The following NOC4L variants were observed in gnomAD, a reference collection of about 807,000 sequenced individuals.
NOC4L encodes the protein nucleolar complex protein 4 homolog.
A neutral mutation model predicts 62.8 loss-of-function variants in NOC4L; 40 were observed. The observed-to-expected ratio is 0.64, with a 90% CI of 0.49 to 0.83. The LOEUF (loss-of-function observed/expected upper bound fraction) is 0.83, where lower values mean the gene tolerates loss of function less well. NOC4L is among the 40% of genes least tolerant of loss of function. The probability of loss-of-function intolerance (pLI) is 0.00; values close to 1 mark genes in which losing one functional copy is unlikely to be tolerated. For missense variants in NOC4L, 927 were observed against 701.9 expected (o/e 1.32, Z -3.62); for synonymous variants, 433 against 299.8 (o/e 1.44, Z -4.59).
In NOC4L at chr12:132,151,599, C is replaced by T. The variant is rs531773915; in HGVS notation, c.1189C>T (p.Arg397Trp). Reference sequence around the variant, plus strand: ...GCCTTTCATCTGTAACCTGCTGCGCCGGCACCCTGCCTGCCGGGTCCTCGT... The same window carrying T: ...GCCTTTCATCTGTAACCTGCTGCGCTGGCACCCTGCCTGCCGGGTCCTCGT... ...VLPFICNLLRRHPACRVLVHR... is the reference protein window; with the variant it reads ...VLPFICNLLRWHPACRVLVHR... Residue 397 changes from arginine to tryptophan, a missense_variant, in exon 12 of 15, where the codon CGG becomes TGG. Arg to Trp is a moderately radical substitution (Grantham distance 101, BLOSUM62 -3). Coordinates refer to ENST00000330579, the MANE Select transcript of NOC4L (RefSeq NM_024078.3). 1.9e-5 allele frequency: 31 copies of T among 1,611,470 alleles called. No individual in the cohort carries two copies. The East Asian group carries it at 3.1e-4, about 16-fold the overall frequency.
intron 7 of NOC4L, among the ~76,000 whole-genome samples, chr12:132,148,376 C>A (rs1454746314): frequency 1.3e-5 from 2 of 152,184 alleles, no homozygotes; most frequent in African/African-American, 4.8e-5. Flanking sequence ...TTGGGCGCAG[C>A]CCCCCTCTTG....
At position 132,151,429 on chromosome 12, in the gene NOC4L, A is replaced by T. The variant is rs1414264524; in HGVS notation, c.1074-55A>T. On this transcript the variant is annotated intron_variant, in intron 11 of 14. Coordinates refer to ENST00000330579, the MANE Select transcript of NOC4L (RefSeq NM_024078.3). ...TGCGGCTGCAGCCTGGGGCCAGGGGAGGGTGGTGGGGGCTAGCAGTCCGGG... is the reference window on the plus strand; with the variant it reads ...TGCGGCTGCAGCCTGGGGCCAGGGGTGGGTGGTGGGGGCTAGCAGTCCGGG... 11 of 1,600,752 alleles carry T rather than the reference A, an allele frequency of 6.9e-6. No individual in the cohort carries two copies. The South Asian group carries it at 7.7e-5, about 11-fold the overall frequency.
At chr12:132,145,926 C>T (rs1042312210) in intron 3 of NOC4L, among the ~76,000 whole-genome samples, 3 of 152,200 alleles carry the variant, frequency 2.0e-5, no homozygotes, top group African/African-American at 7.2e-5. Context: ...GCACACCAAG[C>T]CTCGTGCCAG....
At chr12:132,152,259 C>T in intron 14 of NOC4L, 23 bp from the exon 15 acceptor site, 1 of 1,586,494 alleles carries the variant, frequency 6.3e-7, no homozygotes, top group Non-Finnish European at 8.6e-7. Flanking sequence ...AGCCTGAGAG[C>T]CGCCGTGCTT....
chr12:132,146,360 C>T (rs1347079160), intron 3 of NOC4L: 2 of 455,216 alleles, frequency 4.4e-6, no homozygotes, highest in Admixed American at 4.7e-5. Context: ...TATCGTTCAG[C>T]CGCTCGTAGG....
chr12:132,151,352 C>G lies in NOC4L; in HGVS notation c.1057C>G (p.Leu353Val). The G allele has an allele frequency of 1.2e-6, 2 of 1,610,412 alleles. No individual in the cohort carries two copies. The highest frequency in any genetic ancestry group is 1.7e-6 in the Non-Finnish European group (2 of 1,179,924). ...CGCCCGCTTCTTCCACCTGGCTGAC[C>G]TCTTCCTGTCCTCCTCGTGAGTACC... ...YRARFFHLADLFLSSSHLPAY... is the reference protein window; with the variant it reads ...YRARFFHLADVFLSSSHLPAY... Residue 353 changes from leucine (L) to valine (V), a missense_variant, in exon 11 of 15, where the codon CTC (leucine) becomes GTC (valine). Coordinates refer to ENST00000330579, the MANE Select transcript of NOC4L (RefSeq NM_024078.3).
In NOC4L at chr12:132,147,757, C is replaced by G; in HGVS notation, c.578C>G (p.Ala193Gly). The change falls in exon 5 of 15, where the codon GCC becomes GGC. Residue 193 changes from alanine (A) to glycine (G), a missense_variant. By Grantham distance (60) the Ala-to-Gly change is moderately conservative. Transcript: ENST00000330579. Reference sequence around the variant, plus strand: ...ATGCAGGCAGCCGTGGATGCCGTGGCCCGGGTCACTGGCCAGCACCCCGAG... The same window carrying G: ...ATGCAGGCAGCCGTGGATGCCGTGGGCCGGGTCACTGGCCAGCACCCCGAG... ...HTMQAAVDAV[A>G]RVTGQHPEVP... 1 of 1,612,770 alleles carries G rather than the reference C, an allele frequency of 6.2e-7. No homozygotes were observed. Among genetic ancestry groups the G allele is most frequent in the Non-Finnish European group, 8.5e-7 (1 of 1,179,944 alleles).
rs1434809118 is a variant in NOC4L, at chr12:132,147,476, C to G, written c.453+88C>G. On this transcript the variant is annotated intron_variant, in intron 4 of 14. Coordinates refer to ENST00000330579, the MANE Select transcript of NOC4L (RefSeq NM_024078.3). ...CGTAGTGGGGGCGGGGCCTGCTGAG[C>G]TGAGCCTGGCTGTTGGCTGGGACAC... The G allele has an allele frequency of 3.5e-6, 5 of 1,447,792 alleles. No individual in the cohort carries two copies. The East Asian group carries it at 1.2e-4, about 36-fold the overall frequency. The allele number at this position is 1,447,792 out of a possible 1,614,324, so 89.7% of individuals were successfully genotyped here.
rs1040520625 is a variant in NOC4L, at chr12:132,145,613, G to A, written c.293G>A (p.Ser98Asn). ...GTGTGGATGAGACACCGCTATCACAGCTGCTGCAATCGCTTGGGAGAGCTC... is the reference window on the plus strand; with the variant it reads ...GTGTGGATGAGACACCGCTATCACAACTGCTGCAATCGCTTGGGAGAGCTC... ...YKVWMRHRYH[S>N]CCNRLGELLG... The change falls in exon 3 of 15, where the codon AGC becomes AAC. Residue 98 changes from serine (S) to asparagine (N), a missense_variant. Ser to Asn is a conservative substitution (Grantham distance 46, BLOSUM62 1). Transcript: ENST00000330579. 7 of 1,613,514 alleles carry A rather than the reference G, an allele frequency of 4.3e-6. No individual in the cohort carries two copies. The Admixed American group carries it at 8.3e-5, about 19-fold the overall frequency.
Position 132,152,237 on chromosome 12 carries a change from G to A in NOC4L, c.1431+40G>A, listed in dbSNP as rs1436093009. 7 of 1,600,010 alleles carry A rather than the reference G, an allele frequency of 4.4e-6. No homozygotes were observed. In the South Asian group the frequency reaches 6.7e-5, roughly 15 times the overall value. On this transcript the variant is annotated intron_variant, in intron 14 of 14. Coordinates refer to ENST00000330579, the MANE Select transcript of NOC4L (RefSeq NM_024078.3). ...CAGGGTGCGAGGGTCTGGGCCACGG[G>A]GCGCTGAGCCAAGCCTGAGAGCCGC...
intron 4 of NOC4L, 39 bp downstream of exon 4, chr12:132,147,427 G>T (rs1269980819): frequency 2.0e-6 from 3 of 1,532,106 alleles, no homozygotes; most frequent in Admixed American, 1.9e-5. Flanking sequence ...GGCCTGGCTG[G>T]CTGGCCAGAT....
At position 132,151,538 on chromosome 12, in the gene NOC4L, C is replaced by T; in HGVS notation, c.1128C>T (p.Ala376=). 1 of 1,608,738 alleles carries T rather than the reference C, an allele frequency of 6.2e-7. No homozygotes were observed. Among genetic ancestry groups the T allele is most frequent in the Non-Finnish European group, 8.5e-7 (1 of 1,179,162 alleles). ...TCGCCAAGCGGCTGGCCCGCCTGGCCCTGACGGCTCCCCCTGAGGCCCTGC... is the reference window on the plus strand; with the variant it reads ...TCGCCAAGCGGCTGGCCCGCCTGGCTCTGACGGCTCCCCCTGAGGCCCTGC... ...AAFAKRLARL[A]LTAPPEALLM... is the part of the protein sequence containing the mutation. The change falls in exon 12 of 15, where the codon GCC becomes GCT. Residue 376 remains alanine (A), a synonymous_variant. Coordinates refer to ENST00000330579, the MANE Select transcript of NOC4L (RefSeq NM_024078.3).
At chr12:132,152,031 G>A (rs911823880) in intron 13 of NOC4L, 53 bp from the exon 14 acceptor site, 1 of 1,501,402 alleles carries the variant, frequency 6.7e-7, no homozygotes, top group Non-Finnish European at 9.0e-7. Flanking sequence ...CATGGCTGGG[G>A]GCACAGGGCG....
chr12:132,151,721 C>T lies in NOC4L; in HGVS notation c.1235-17C>T, dbSNP rs370317561. ...GGTGCTGTGGACGGCAGACAAGGGCCCACGTCTCATTCCTAGAGTTGGACG... is the reference window on the plus strand; with the variant it reads ...GGTGCTGTGGACGGCAGACAAGGGCTCACGTCTCATTCCTAGAGTTGGACG... On this transcript the variant is annotated splice_polypyrimidine_tract_variant and intron_variant, in intron 12 of 14. Transcript: ENST00000330579. 1.2e-6 allele frequency: 2 copies of T among 1,612,238 alleles called. No homozygotes were observed. Among genetic ancestry groups the T allele is most frequent in the African/African-American group, 1.3e-5 (1 of 74,890 alleles).
In NOC4L at chr12:132,150,976, T is replaced by TGTCC. The variant is rs762464406; in HGVS notation, c.902-4_902-3insTCCG. The TGTCC allele has an allele frequency of 1.2e-5, 19 of 1,604,220 alleles. No individual in the cohort carries two copies. The South Asian group carries it at 2.0e-4, about 17-fold the overall frequency. On this transcript the variant is annotated splice_region_variant and splice_polypyrimidine_tract_variant and intron_variant, in intron 9 of 14. Coordinates refer to ENST00000330579, the MANE Select transcript of NOC4L (RefSeq NM_024078.3). ...CAGCTCCAGCCTGTGTCTGTCTGTC[T>TGTCC]GCAGGGGGGGCCCTCAGCCTCTTGG...
chr12:132,145,511 T>G, intron 2 of NOC4L, 48 bp from the exon 3 acceptor site: 1 of 1,264,636 alleles, frequency 7.9e-7, no homozygotes, highest in Non-Finnish European at 1.1e-6. Context: ...GGGCCCAGGG[T>G]GGCGTATGTG....
chr12:132,146,812 CGCACGAG>C (rs1313532617), intron 3 of NOC4L, among the ~76,000 whole-genome samples: 2 of 152,140 alleles, frequency 1.3e-5, no homozygotes, highest in Admixed American at 6.5e-5. Flanking sequence ...CCTGTCATCC[CGCACGAG>C]GCTCTTTTGC....
intron 5 of NOC4L, 38 bp from the exon 6 acceptor site, chr12:132,147,842 G>C (rs780888985): frequency 8.1e-6 from 13 of 1,609,560 alleles, no homozygotes; most frequent in Admixed American, 3.3e-5. Context: ...GGCAGGGACT[G>C]GGGGGCGGCG....
At chr12:132,150,738 G>A (rs1053192527) in intron 9 of NOC4L, 4 of 544,414 alleles carry the variant, frequency 7.3e-6, no homozygotes, top group Admixed American at 3.0e-5. Context: ...TAATCCCCTC[G>A]GTGAGTGCCG....
Sources: gnomAD v4.1 joint callset for allele counts (sites outside exome capture counted in the v4.1 genomes callset) on GRCh38, gnomAD v4.1.1 for gene constraint, MANE v1.5 for transcripts, NCBI Gene and HGNC (gene_info 2026-07-23, HGNC 2026-07-21) for gene names.